The following MAP3K15 variants were observed in gnomAD, a reference collection of about 807,000 sequenced individuals.
The protein encoded by MAP3K15 is MAPK/ERK kinase kinase 15.
In MAP3K15, 124 loss-of-function variants were observed where a neutral mutation model predicts 99.5. The ratio of observed to expected loss-of-function variants is 1.25; its 90% CI spans 1.08 to 1.45. The LOEUF (loss-of-function observed/expected upper bound fraction) is 1.45, where lower values mean the gene tolerates loss of function less well. Ranked by LOEUF, MAP3K15 falls within the 40% of genes most tolerant of loss-of-function variation. MAP3K15 has a pLI of 0.00. For missense variants in MAP3K15, 1,242 were observed against 1,079.7 expected (o/e 1.15, Z -2.11); for synonymous variants, 494 against 439.6 (o/e 1.12, Z -1.55).
chrX:19,371,170 G>A (rs749537426), intron 23 of MAP3K15, 106 bp from the exon 24 acceptor site: 149 of 780,612 alleles, frequency 1.9e-4, no homozygotes, highest in Non-Finnish European at 2.3e-4. Context: ...CTTGGGGGCC[G>A]CATGCAATCA....
chrX:19,452,353 AG>A lies in MAP3K15; in HGVS notation c.995+4559del, dbSNP rs199718964. On this transcript the variant is annotated intron_variant, in intron 6 of 28. Coordinates refer to ENST00000338883, the MANE Select transcript of MAP3K15 (RefSeq NM_001001671.4). ...GAGAAGAGAAGAGAAGAGAAGAGAAAGAGAAGAGAAGAGAAGAGAAGAGAGA... is the reference window on the plus strand; with the variant it reads ...GAGAAGAGAAGAGAAGAGAAGAGAAAAGAAGAGAAGAGAAGAGAAGAGAGA... 3.2e-3 allele frequency among the ~76,000 whole-genome samples: 174 copies of A among 53,620 alleles called. 40 individuals carry two copies. The highest frequency in any genetic ancestry group is 8.9e-3 in the South Asian group (7 of 784). 46.6% of individuals were successfully genotyped at this position (53,620 alleles called of 115,157 possible).
intron 3 of MAP3K15, among the ~76,000 whole-genome samples, chrX:19,484,794 T>C (rs2064312055): frequency 1.8e-5 from 2 of 112,029 alleles, no homozygotes; most frequent in Admixed American, 9.5e-5. Context: ...GTATAACAAA[T>C]ATGGAACTAC....
chrX:19,456,674 C>T (rs772956651), intron 6 of MAP3K15, among the ~76,000 whole-genome samples: 4 of 111,715 alleles, frequency 3.6e-5, no homozygotes, highest in Admixed American at 9.5e-5. Flanking sequence ...TATGTGAAGC[C>T]GGGGGTGCCT....
intron 25 of MAP3K15, among the ~76,000 whole-genome samples, chrX:19,364,929 C>T (rs928940634): frequency 1.0e-4 from 10 of 97,066 alleles, no homozygotes; most frequent in Non-Finnish European, 1.8e-4. Flanking sequence ...TTGGGCTGGG[C>T]GCAGTGGCTC....
At chrX:19,383,941 C>A (rs898065200) in intron 18 of MAP3K15, among the ~76,000 whole-genome samples, 3 of 111,627 alleles carry the variant, frequency 2.7e-5, no homozygotes, top group African/African-American at 9.8e-5. Flanking sequence ...TCCTCAAAAA[C>A]CTAAAAATAG....
chrX:19,455,212 G>A (rs913971967), intron 6 of MAP3K15, among the ~76,000 whole-genome samples: 2 of 111,302 alleles, frequency 1.8e-5, no homozygotes, highest in East Asian at 5.6e-4. Flanking sequence ...ACCCATCAAA[G>A]AGAAAGGTGG....
chrX:19,416,324 C>G (rs2063734727), intron 9 of MAP3K15, among the ~76,000 whole-genome samples: 1 of 109,712 alleles, frequency 9.1e-6, no homozygotes, highest in Non-Finnish European at 1.9e-5. Flanking sequence ...GAGCGAGACT[C>G]TGTCTCAAAA....
At chrX:19,463,327 T>C (rs1425723808) in intron 4 of MAP3K15, among the ~76,000 whole-genome samples, 2 of 111,655 alleles carry the variant, frequency 1.8e-5, no homozygotes, top group Non-Finnish European at 3.8e-5. Context: ...AACACTACAA[T>C]AGAACACTCC....
intron 6 of MAP3K15, among the ~76,000 whole-genome samples, chrX:19,440,634 G>T (rs926273352): frequency 2.5e-4 from 28 of 112,636 alleles, no homozygotes; most frequent in Admixed American, 7.5e-4. Flanking sequence ...TCTACAGTGG[G>T]CTGATAGGCC....
At chrX:19,509,899 A>G (rs1228960581) in intron 1 of MAP3K15, among the ~76,000 whole-genome samples, 1 of 111,821 alleles carries the variant, frequency 8.9e-6, no homozygotes, top group African/African-American at 3.2e-5. Flanking sequence ...ACAATAGAAA[A>G]TGATAAAGGG....
At chrX:19,482,555 A>G (rs1010983591) in intron 3 of MAP3K15, among the ~76,000 whole-genome samples, 6 of 112,155 alleles carry the variant, frequency 5.3e-5, no homozygotes, top group South Asian at 3.7e-4. Flanking sequence ...AGGCAAGTCT[A>G]TAAGACAAAA....
At position 19,431,736 on chromosome X, in the gene MAP3K15, A is replaced by G; in HGVS notation, c.996-128T>C. On this transcript the variant is annotated intron_variant, in intron 6 of 28. Transcript: ENST00000338883. ...CGAAGCGGGTAGATCATTTGAGGTC[A>G]GGAGTTCAACACCAGCCTGGCCAAC... 6.1e-6 allele frequency: 3 copies of G among 488,363 alleles called. No homozygotes were observed. In the South Asian group the frequency reaches 1.2e-4, roughly 20 times the overall value. The allele number at this position is 488,363 out of a possible 1,213,427, so 40.2% of individuals were successfully genotyped here.
Position 19,398,240 on chromosome X carries a change from C to A in MAP3K15, c.2052G>T (p.Pro684=). The A allele has an allele frequency of 1.7e-6, 2 of 1,211,149 alleles. No homozygotes were observed. Among genetic ancestry groups the A allele is most frequent in the Non-Finnish European group, 2.2e-6 (2 of 895,353 alleles). Residue 684 remains proline (P), a synonymous_variant, in exon 15 of 29, where the codon CCG becomes CCT. Transcript: ENST00000338883. ...CCTGGACTTGCCTGCTATCTCTCTC[C>A]GGGATTTCTTTGATGGCTATTCGCA... is the stretch of plus-strand genomic sequence containing the variant. The part of the protein sequence containing the change: ...NQVRIAIKEI[P]ERDSRYSQPL...
chrX:19,514,930 G>A lies in MAP3K15; in HGVS notation c.332C>T (p.Thr111Met). The A allele has an allele frequency of 1.7e-6, 2 of 1,144,405 alleles. No individual in the cohort carries two copies. Among genetic ancestry groups the A allele is most frequent in the Non-Finnish European group, 2.3e-6 (2 of 865,994 alleles). The allele number at this position is 1,144,405 out of a possible 1,213,427, so 94.3% of individuals were successfully genotyped here. The change falls in exon 1 of 29, where the codon ACG becomes ATG. Residue 111 changes from threonine (T) to methionine (M), a missense_variant. Coordinates refer to ENST00000338883, the MANE Select transcript of MAP3K15 (RefSeq NM_001001671.4). Reference sequence around the variant, plus strand: ...GTCGTAGAAGGCGTCGAGCACGGCCGTCTCCCCGAAGTCCAGCTCCCCGAA... The same window carrying A: ...GTCGTAGAAGGCGTCGAGCACGGCCATCTCCCCGAAGTCCAGCTCCCCGAA... ...VPFGELDFGETAVLDAFYDAD... is the reference protein window; with the variant it reads ...VPFGELDFGEMAVLDAFYDAD...
intron 18 of MAP3K15, among the ~76,000 whole-genome samples, chrX:19,391,674 C>CAAAAA (rs759061873): frequency 1.7e-3 from 49 of 28,224 alleles, no homozygotes; most frequent in African/African-American, 3.8e-3. Flanking sequence ...GACCCCGTCT[C>CAAAAA]AAAAAAAAAA....
intron 9 of MAP3K15, among the ~76,000 whole-genome samples, chrX:19,420,130 T>G (rs1257238097): frequency 9.0e-6 from 1 of 111,044 alleles, no homozygotes; most frequent in Non-Finnish European, 1.9e-5. Context: ...TTACAAGAAC[T>G]AGAGAAGCAA....
At chrX:19,501,781 A>G (rs1295188474) in intron 1 of MAP3K15, among the ~76,000 whole-genome samples, 1 of 112,188 alleles carries the variant, frequency 8.9e-6, no homozygotes, top group African/African-American at 3.2e-5. Flanking sequence ...ATAATTATTT[A>G]AGGGCTGGGT....
At chrX:19,478,744 G>A (rs1208795747) in intron 3 of MAP3K15, among the ~76,000 whole-genome samples, 7 of 72,590 alleles carry the variant, frequency 9.6e-5, no homozygotes, top group Non-Finnish European at 1.8e-4. Flanking sequence ...TTTTAATAAC[G>A]TGTTTTTTAA....
chrX:19,415,302 T>G, intron 9 of MAP3K15, 45 bp from the exon 10 acceptor site: 1 of 1,074,132 alleles, frequency 9.3e-7, no homozygotes, highest in South Asian at 2.3e-5. Flanking sequence ...CTAAAGAAAC[T>G]GAATTCAATT....
Sources: gnomAD v4.1 joint callset for allele counts (sites outside exome capture counted in the v4.1 genomes callset) on GRCh38, gnomAD v4.1.1 for gene constraint, MANE v1.5 for transcripts, NCBI Gene and HGNC (gene_info 2026-07-23, HGNC 2026-07-21) for gene names.